Variants in MYH8 observed in about 807,000 individuals in gnomAD.
MYH8 encodes myosin-8.
A neutral mutation model predicts 233.2 loss-of-function variants in MYH8; 168 were observed. The observed-to-expected ratio is 0.72, with a 90% confidence interval of 0.64 to 0.82. The LOEUF is 0.82. Among genes scored for constraint, MYH8 ranks in the 40% least tolerant of loss-of-function variants. MYH8 has a pLI of 0.00. For missense variants in MYH8, 1,995 were observed against 2,327.8 expected, an observed-to-expected ratio of 0.86 and a Z score of 2.94; for synonymous variants, 785 against 850.6, an observed-to-expected ratio of 0.92 and a Z score of 1.34.
chr17:10,420,572 T>C (rs961056672), intron 2 of MYH8, among the ~76,000 whole-genome samples: 1 of 152,236 alleles, frequency 6.6e-6, no homozygotes, highest in African/African-American at 2.4e-5. Context: ...GCAACTGTCA[T>C]TATTTAATTT....
rs1357082304 is a variant in MYH8 at position 10,404,373 on chromosome 17, G to C, written c.2645C>G (p.Thr882Ser). Residue 882 changes from threonine (T) to serine (S), a missense_variant, in exon 22 of 40, where the codon ACT becomes AGT. Transcript: ENST00000403437. ...KRKELEEKMV[T>S]LLKEKNDLQL... ...CAGGTCATTTTTCTCTTTTAAGAGA[G>C]TGACCATTTTTTCCTCTAGCTCCTT... 1 of 1,613,840 alleles carries C rather than the reference G, an allele frequency of 6.2e-7. No individual in the cohort carries two copies. The highest frequency in any genetic ancestry group is 8.5e-7 in the Non-Finnish European group (1 of 1,179,930).
chr17:10,410,223 G>A (rs1055464723), intron 15 of MYH8, among the ~76,000 whole-genome samples: 1 of 152,168 alleles, frequency 6.6e-6, no homozygotes, highest in African/African-American at 2.4e-5. Flanking sequence ...AGGATCGCTT[G>A]AGCCTTGGGG....
In MYH8 at chr17:10,390,544, C is replaced by T. The variant is rs755700112; in HGVS notation, c.5724G>A (p.Glu1908=). The T allele has an allele frequency of 6.2e-7, 1 of 1,614,184 alleles. No homozygotes were observed. The highest frequency in any genetic ancestry group is 8.5e-7 in the Non-Finnish European group (1 of 1,180,024). The change falls in exon 40 of 40, where the codon GAG becomes GAA. Residue 1908 remains glutamate (E), a synonymous_variant. Transcript: ENST00000403437. Reference sequence around the variant, plus strand: ...CAGCAATGTCAGCCCGTTCCTCGGCCTCCTCCAGCTCATGCTGGAGTTTGC... The same window carrying T: ...CAGCAATGTCAGCCCGTTCCTCGGCTTCCTCCAGCTCATGCTGGAGTTTGC... ...KFRKLQHELE[E]AEERADIAES...
At chr17:10,394,777 TG>T (rs1597397127) in intron 34 of MYH8, among the ~76,000 whole-genome samples, 1 of 152,226 alleles carries the variant, frequency 6.6e-6, no homozygotes, top group African/African-American at 2.4e-5. Context: ...CTCAGTGAGG[TG>T]GGTAGTTTCA....
chr17:10,399,609 C>G lies in MYH8; in HGVS notation c.3796G>C (p.Glu1266Gln). 6.2e-7 allele frequency: 1 copy of G among 1,614,140 alleles called. No individual in the cohort carries two copies. Among genetic ancestry groups the G allele is most frequent in the Non-Finnish European group, 8.5e-7 (1 of 1,180,032 alleles). The change falls in exon 28 of 40, where the codon GAA becomes CAA. Residue 1266 changes from glutamate to glutamine, a missense_variant. Physicochemically the swap from Glu to Gln is conservative, Grantham distance 29. Transcript: ENST00000403437. Reference sequence around the variant, plus strand: ...TTGATCAGCCGCTGCTGCTCCTCTTCCTTGGTCTTAAGCTCACTCACTTGA... The same window carrying G: ...TTGATCAGCCGCTGCTGCTCCTCTTGCTTGGTCTTAAGCTCACTCACTTGA... ...EDQVSELKTK[E>Q]EEQQRLINDL...
In MYH8 at chr17:10,390,497, C is replaced by G. The variant is rs762026764; in HGVS notation, c.5771G>C (p.Arg1924Pro). ...TGTGTGAACCTCTCGGCTCTTCACT[C>G]GCAATTTGTTGACCTGGGACTCAGC... ...DIAESQVNKL[R>P]VKSREVHTKI... The change falls in exon 40 of 40, where the codon CGA becomes CCA. Residue 1924 changes from arginine (R) to proline (P), a missense_variant. By Grantham distance (103) the Arg-to-Pro change is moderately radical. Transcript: ENST00000403437. The G allele has an allele frequency of 6.2e-7, 1 of 1,614,106 alleles. No individual in the cohort carries two copies. Among genetic ancestry groups the G allele is most frequent in the South Asian group, 1.1e-5 (1 of 91,074 alleles).
Position 10,392,528 on chromosome 17 carries a change from G to A in MYH8, c.5568+14C>T, listed in dbSNP as rs775935519. On this transcript the variant is annotated intron_variant, in intron 38 of 39. Coordinates refer to ENST00000403437, the MANE Select transcript of MYH8 (RefSeq NM_002472.3). ...GCAGGAAGAGTGGATATTCTGGAAG[G>A]CTATTCCCTTTACCTGGTAGGTGAG... 1 of 1,604,974 alleles carries A rather than the reference G, an allele frequency of 6.2e-7. No individual in the cohort carries two copies. Among genetic ancestry groups the A allele is most frequent in the Admixed American group, 1.7e-5 (1 of 59,994 alleles).
At position 10,419,181 on chromosome 17, in the gene MYH8, C is replaced by T. The variant is rs1242668134; in HGVS notation, c.211-151G>A. The T allele has an allele frequency of 2.1e-6, 2 of 963,812 alleles. No homozygotes were observed. Among genetic ancestry groups the T allele is most frequent in the Non-Finnish European group, 3.2e-6 (2 of 622,356 alleles). The allele number at this position is 963,812 out of a possible 1,614,324, so 59.7% of individuals were successfully genotyped here. ...CAAGTGATTGTCCTGCCTCAGCCTT[C>T]TGAGTAGCTGGGATTGCAAGTGCCC... On this transcript the variant is annotated intron_variant, in intron 3 of 39. Coordinates refer to ENST00000403437, the MANE Select transcript of MYH8 (RefSeq NM_002472.3). This position sits in a 1 kb window ranked among gnomAD's most constrained non-coding sequence, Gnocchi z 4.0.
chr17:10,418,791 C>T lies in MYH8; in HGVS notation c.365G>A (p.Gly122Asp), dbSNP rs200421774. 7.7e-5 allele frequency: 125 copies of T among 1,613,756 alleles called. No individual in the cohort carries two copies. Among genetic ancestry groups the T allele is most frequent in the Non-Finnish European group, 1.0e-4 (123 of 1,179,752 alleles). The change falls in exon 5 of 40, where the codon GGC becomes GAC. Residue 122 changes from glycine to aspartate, a missense_variant. By Grantham distance (94) the Gly-to-Asp change is moderately conservative. Coordinates refer to ENST00000403437, the MANE Select transcript of MYH8 (RefSeq NM_002472.3). ...YAAWMIYTYS[G>D]LFCVTVNPYK... ...GGGGTTGACGGTGACACAGAAGAGG[C>T]CTGAGTAGGTCTGGGAAGATCAGAA...
In MYH8 at chr17:10,395,152, T is replaced by C; in HGVS notation, c.4943A>G (p.Asn1648Ser). ...GTTTACCTTCAGGATTCCTTGGGTG[T>C]TCCTGTAGTTCCTTAAACTCTCTGC... ...LAAESLRNYR[N>S]TQGILKETQL... Residue 1648 changes from asparagine (N) to serine (S), a missense_variant, in exon 34 of 40, where the codon AAC (asparagine) becomes AGC (serine). Around this residue, in one of 3 missense-constraint regions of MYH8, gnomAD observed 1,498 missense variants for 1,680.9 expected, o/e 0.89. Coordinates refer to ENST00000403437, the MANE Select transcript of MYH8 (RefSeq NM_002472.3). The C allele has an allele frequency of 6.2e-7, 1 of 1,613,460 alleles. No homozygotes were observed. The highest frequency in any genetic ancestry group is 1.7e-5 in the Admixed American group (1 of 60,008).
Position 10,420,076 on chromosome 17 carries a change from T to G in MYH8, c.152A>C (p.Lys51Thr), listed in dbSNP as rs1161699264. ...TCCTTCTTTGCTTTGTATAGTGCTCTTCACATAGGATTCCTTGGGCTCCGC... is the reference window on the plus strand; with the variant it reads ...TCCTTCTTTGCTTTGTATAGTGCTCGTCACATAGGATTCCTTGGGCTCCGC... The part of the protein sequence containing the change: ...FVAEPKESYV[K>T]STIQSKEGGK... Residue 51 changes from lysine to threonine, a missense_variant, in exon 3 of 40, where the codon AAG (lysine) becomes ACG (threonine). Lys to Thr is a moderately conservative substitution (Grantham distance 78). This residue lies in a region of MYH8 where 479 missense variants were observed against 600.9 expected (regional missense o/e 0.80). Coordinates refer to ENST00000403437, the MANE Select transcript of MYH8 (RefSeq NM_002472.3). The G allele has an allele frequency of 6.2e-7, 1 of 1,614,158 alleles. No individual in the cohort carries two copies. Among genetic ancestry groups the G allele is most frequent in the Non-Finnish European group, 8.5e-7 (1 of 1,180,060 alleles).
At position 10,409,511 on chromosome 17, in the gene MYH8, C is replaced by T. The variant is rs150314967; in HGVS notation, c.1665G>A (p.Leu555=). The change falls in exon 16 of 40, where the codon CTG becomes CTA. Residue 555 remains leucine (L), a synonymous_variant. Coordinates refer to ENST00000403437, the MANE Select transcript of MYH8 (RefSeq NM_002472.3). ...KATDTSFKNK[L]YDQHLGKSAN... is the part of the protein sequence containing the mutation. ...CAGACTTGCCCAGGTGCTGGTCATA[C>T]AGCTTGTTCTTGAAGGAGGTGTCCG... 6.2e-7 allele frequency: 1 copy of T among 1,614,258 alleles called. No individual in the cohort carries two copies.
chr17:10,400,327 G>A lies in MYH8; in HGVS notation c.3735+63C>T. 12 of 1,586,342 alleles carry A rather than the reference G, an allele frequency of 7.6e-6. No individual in the cohort carries two copies. The highest frequency in any genetic ancestry group is 1.0e-5 in the Non-Finnish European group (12 of 1,163,942). ...GTAAAATGCCTGCAAACAATGTTTA[G>A]TGATAGAGAATAATGGGTGTTCTTA... On this transcript the variant is annotated intron_variant, in intron 27 of 39. Transcript: ENST00000403437. This position sits in a 1 kb window ranked among gnomAD's most constrained non-coding sequence, Gnocchi z 4.0.
intron 38 of MYH8, 63 bp downstream of exon 38, chr17:10,392,479 A>C (rs1567680504): frequency 7.1e-7 from 1 of 1,415,016 alleles, no homozygotes; most frequent in Non-Finnish European, 1.0e-6. Flanking sequence ...ATAAATAGTC[A>C]TAAGGTTTTC....
chr17:10,394,207 A>T (rs1226419146), intron 35 of MYH8, 42 bp downstream of exon 35: 1 of 1,612,352 alleles, frequency 6.2e-7, no homozygotes, highest in East Asian at 2.2e-5. Flanking sequence ...CGAATGCATC[A>T]GCTACCAGTA....
Position 10,415,606 on chromosome 17 carries a change from A to G in MYH8, c.540-26T>C. ...CTGTCAAACAGAAATCAGAGAAGAGATCAGAGAACTATGGCCTGCATTGTC... is the reference window on the plus strand; with the variant it reads ...CTGTCAAACAGAAATCAGAGAAGAGGTCAGAGAACTATGGCCTGCATTGTC... On this transcript the variant is annotated intron_variant, in intron 6 of 39. Transcript: ENST00000403437. The surrounding 1 kb of genome is among the most constrained non-coding windows in gnomAD (Gnocchi z 4.1). The G allele has an allele frequency of 6.2e-7, 1 of 1,613,924 alleles. No individual in the cohort carries two copies.
At chr17:10,413,873 T>C in intron 12 of MYH8, 29 bp downstream of exon 12, 1 of 1,614,018 alleles carries the variant, frequency 6.2e-7, no homozygotes, top group Non-Finnish European at 8.5e-7. Flanking sequence ...CATTCTCTCA[T>C]TAAACCCAGA....
Position 10,401,471 on chromosome 17 carries a change from G to T in MYH8, c.2932-20C>A. The T allele has an allele frequency of 1.2e-6, 2 of 1,614,062 alleles. No individual in the cohort carries two copies. The highest frequency in any genetic ancestry group is 8.5e-7 in the Non-Finnish European group (1 of 1,180,010). Reference sequence around the variant, plus strand: ...TTTCACCTACAAAGGTTAAGAAAGAGATTATTTCTCCTATAAAGCAATTTA... The same window carrying T: ...TTTCACCTACAAAGGTTAAGAAAGATATTATTTCTCCTATAAAGCAATTTA... On this transcript the variant is annotated intron_variant, in intron 23 of 39. Transcript: ENST00000403437.
At position 10,421,695 on chromosome 17, in the gene MYH8, A is replaced by G. The variant is rs1042375315; in HGVS notation, c.-63T>C. 1 of 152,178 alleles carries G rather than the reference A, an allele frequency of 6.6e-6. No individual in the cohort carries two copies. Among genetic ancestry groups the G allele is most frequent in the African/African-American group, 2.4e-5 (1 of 41,438 alleles). 9.4% of individuals were successfully genotyped at this position (152,178 alleles called of 1,614,324 possible). ...GTTCCAGATAAAAATGCAGGTTCAG[A>G]AGTGTTCCACTCTGTAAAACAACAA... On this transcript the variant is annotated 5_prime_UTR_variant, in exon 2 of 40. Coordinates refer to ENST00000403437, the MANE Select transcript of MYH8 (RefSeq NM_002472.3).
Sources: allele counts gnomAD v4.1 joint callset (sites outside exome capture counted in the v4.1 genomes callset), GRCh38; gene constraint gnomAD v4.1.1; regional missense constraint gnomAD v4.1.1; non-coding constraint Gnocchi (gnomAD v3.1); transcripts MANE v1.5; gene names NCBI Gene and HGNC (gene_info 2026-07-23, HGNC 2026-07-21).